The following PLCG2 variants were observed in gnomAD, a reference collection of about 807,000 sequenced individuals.
The protein encoded by PLCG2 is phospholipase C gamma 2.
PLCG2 carries 69 observed loss-of-function variants against 175.6 expected under a neutral mutation model. The observed-to-expected ratio is 0.39, with a 90% CI of 0.32 to 0.48. The LOEUF (loss-of-function observed/expected upper bound fraction) is 0.48, where lower values mean the gene tolerates loss of function less well. Among genes scored for constraint, PLCG2 ranks in the 20% least tolerant of loss-of-function variants. The probability of loss-of-function intolerance (pLI) is 0.91; values close to 1 mark genes in which losing one functional copy is unlikely to be tolerated. For missense variants in PLCG2, 1,798 were observed against 1,650.9 expected (o/e 1.09, Z -1.54); for synonymous variants, 827 against 624.0 (o/e 1.33, Z -4.85).
chr16:81,937,920 C>T lies in PLCG2; in HGVS notation c.3198+17C>T, dbSNP rs41311270. ...ACAGTCAAGGTAAAGCCAGCCCTCC[C>T]TTCCTGCCAGGGGAGCCAGCCGCCC... is the stretch of plus-strand genomic sequence containing the variant. On this transcript the variant is annotated intron_variant, in intron 28 of 32. Coordinates refer to ENST00000564138, the MANE Select transcript of PLCG2 (RefSeq NM_002661.5). 7 of 1,613,064 alleles carry T rather than the reference C, an allele frequency of 4.3e-6. No homozygotes were observed. Among genetic ancestry groups the T allele is most frequent in the East Asian group, 2.2e-5 (1 of 44,866 alleles).
chr16:81,945,007 T>C (rs763011301), intron 30 of PLCG2, among the ~76,000 whole-genome samples: 1 of 152,192 alleles, frequency 6.6e-6, no homozygotes, highest in Non-Finnish European at 1.5e-5. Context: ...GGGAGAATTA[T>C]GGTTACAAAA....
Position 81,889,190 on chromosome 16 carries a change from C to G in PLCG2, c.784C>G (p.Leu262Val), listed in dbSNP as rs372563994. 2.7e-5 allele frequency: 44 copies of G among 1,600,272 alleles called. No individual in the cohort carries two copies. The highest frequency in any genetic ancestry group is 3.6e-5 in the Non-Finnish European group (42 of 1,171,326). Reference sequence around the variant, plus strand: ...TTTTAAGGAGCATTGGGCTCAGGATCTGAACAAAGTCCGTGAGCGGATGAC... The same window carrying G: ...TTTTAAGGAGCATTGGGCTCAGGATGTGAACAAAGTCCGTGAGCGGATGAC... ...HEQQEHWAQD[L>V]NKVRERMTKF... The change falls in exon 10 of 33, where the codon CTG (leucine) becomes GTG (valine). Residue 262 changes from leucine (L) to valine (V), a missense_variant. Leu to Val is a conservative substitution (Grantham distance 32, BLOSUM62 1). Transcript: ENST00000564138.
At chr16:81,742,826 AG>A (rs1421461829) in intron 1 of PLCG2, among the ~76,000 whole-genome samples, 4 of 152,194 alleles carry the variant, frequency 2.6e-5, no homozygotes, top group Admixed American at 6.5e-5. Flanking sequence ...CCAGCTTCAC[AG>A]GGCCCCTCGT....
At chr16:81,818,882 G>GTTTTTTTTTTT in intron 2 of PLCG2, among the ~76,000 whole-genome samples, 1 of 59,648 alleles carries the variant, frequency 1.7e-5, no homozygotes, top group African/African-American at 8.0e-5. Context: ...TGGGCTCATG[G>GTTTTTTTTTTT]ATTTTTTTTT....
upstream of PLCG2, among the ~76,000 whole-genome samples, chr16:81,776,816 A>C (rs532117963): frequency 6.6e-6 from 1 of 151,942 alleles, no homozygotes; most frequent in African/African-American, 2.4e-5. Flanking sequence ...TGGCCTCCCA[A>C]AGTGCTGGGA....
intron 4 of PLCG2, 63 bp downstream of exon 4, chr16:81,858,419 C>A: frequency 3.5e-6 from 4 of 1,154,840 alleles, no homozygotes; most frequent in Non-Finnish European, 3.9e-6. Flanking sequence ...TGCCTTTAGC[C>A]AACATGGGCT....
intron 2 of PLCG2, among the ~76,000 whole-genome samples, chr16:81,802,036 C>T (rs1318496801): frequency 6.9e-6 from 1 of 145,550 alleles, no homozygotes; most frequent in Non-Finnish European, 1.5e-5. Flanking sequence ...GAGGTGCCCA[C>T]CAACATTCTG....
rs755176167 is a variant in PLCG2 at position 81,883,263 on chromosome 16, G to C, written c.693-6G>C. 120 of 1,613,796 alleles carry C rather than the reference G, an allele frequency of 7.4e-5. 1 individual carries two copies. The highest frequency in any genetic ancestry group is 9.7e-5 in the Non-Finnish European group (114 of 1,179,812). On this transcript the variant is annotated splice_region_variant and splice_polypyrimidine_tract_variant and intron_variant, in intron 8 of 32. Transcript: ENST00000564138. ...CTCTAACTGCACCCCCTTTCCCCGA[G>C]GATAGGAACACTGACAGGCCGGATG...
At chr16:81,924,852 C>T (rs1255633424) in intron 22 of PLCG2, among the ~76,000 whole-genome samples, 2 of 152,246 alleles carry the variant, frequency 1.3e-5, no homozygotes, top group Non-Finnish European at 2.9e-5. Context: ...CCCAGTTGGG[C>T]AACCACAGTG....
At chr16:81,906,221 C>T (rs1391133357) in intron 15 of PLCG2, 2 of 152,162 alleles carry the variant, frequency 1.3e-5, no homozygotes, top group Non-Finnish European at 2.9e-5. Context: ...TTTCAGGATC[C>T]AGTACCCGGT....
At chr16:81,783,421 A>C (rs978617889) in intron 1 of PLCG2, among the ~76,000 whole-genome samples, 1 of 152,172 alleles carries the variant, frequency 6.6e-6, no homozygotes, top group African/African-American at 2.4e-5. Context: ...TCGTTTTGCT[A>C]CTTTCTATCT....
chr16:81,911,227 A>G (rs548944312), intron 18 of PLCG2, among the ~76,000 whole-genome samples: 40 of 152,328 alleles, frequency 2.6e-4, no homozygotes, highest in African/African-American at 7.9e-4. Flanking sequence ...TATTACTTAT[A>G]GCAACTTTTT....
intron 2 of PLCG2, among the ~76,000 whole-genome samples, chr16:81,850,968 T>G (rs374888208): frequency 1.7e-4 from 26 of 152,028 alleles, no homozygotes; most frequent in African/African-American, 6.3e-4. Flanking sequence ...TGAACAAGAT[T>G]TATAGTGCAA....
At chr16:81,803,210 A>C (rs568825577) in intron 2 of PLCG2, among the ~76,000 whole-genome samples, 23 of 142,756 alleles carry the variant, frequency 1.6e-4, no homozygotes, top group African/African-American at 2.2e-4. Context: ...GCTCTGCCTC[A>C]TGGGTTCATG....
At chr16:81,900,132 C>T (rs1372836708) in intron 13 of PLCG2, among the ~76,000 whole-genome samples, 1 of 151,968 alleles carries the variant, frequency 6.6e-6, no homozygotes, top group Non-Finnish European at 1.5e-5. Context: ...CATATGTGTG[C>T]ATATGAATGA....
chr16:81,928,723 T>G, intron 24 of PLCG2, 99 bp downstream of exon 24: 1 of 779,476 alleles, frequency 1.3e-6, no homozygotes, highest in Non-Finnish European at 2.3e-6. Flanking sequence ...CACAGGGTCC[T>G]GTCTTGAATG....
intron 1 of PLCG2, among the ~76,000 whole-genome samples, chr16:81,752,548 G>A (rs1909833972): frequency 1.3e-5 from 2 of 152,188 alleles, no homozygotes; most frequent in South Asian, 4.1e-4. Flanking sequence ...GGGCAGGAGA[G>A]CAAGAGTCCA....
At chr16:81,806,489 A>G (rs1460817248) in intron 2 of PLCG2, among the ~76,000 whole-genome samples, 1 of 152,000 alleles carries the variant, frequency 6.6e-6, no homozygotes, top group Non-Finnish European at 1.5e-5. Context: ...CTGGGTAATC[A>G]CAGTAGAACC....
intron 27 of PLCG2, chr16:81,937,446 A>G (rs895325086): frequency 3.2e-5 from 7 of 219,112 alleles, no homozygotes; most frequent in African/African-American, 6.8e-5. Flanking sequence ...GAGGTTAAAA[A>G]TTTATATTCA....
Sources: allele counts gnomAD v4.1 joint callset (sites outside exome capture counted in the v4.1 genomes callset), GRCh38; gene constraint gnomAD v4.1.1; transcripts MANE v1.5; gene names NCBI Gene and HGNC (gene_info 2026-07-23, HGNC 2026-07-21).